The following HACE1 variants were observed in gnomAD, a reference collection of about 807,000 sequenced individuals.
HACE1 encodes E3 ubiquitin-protein ligase HACE1.
In HACE1, 73 loss-of-function variants were observed where a neutral mutation model predicts 118.4. The observed-to-expected ratio is 0.62, with a 90% confidence interval of 0.51 to 0.75. The LOEUF (loss-of-function observed/expected upper bound fraction) is 0.75, where lower values mean the gene tolerates loss of function less well. Among genes scored for constraint, HACE1 ranks in the 30% least tolerant of loss-of-function variants. The probability of loss-of-function intolerance (pLI) is 0.00; values close to 1 mark genes in which losing one functional copy is unlikely to be tolerated. For missense variants in HACE1, 749 were observed against 1,102.2 expected, an observed-to-expected ratio of 0.68 and a Z score of 4.54; for synonymous variants, 368 against 374.8, an observed-to-expected ratio of 0.98 and a Z score of 0.21.
intron 6 of HACE1, among the ~76,000 whole-genome samples, chr6:104,812,077 T>A (rs1162950723): frequency 6.6e-6 from 1 of 151,738 alleles, no homozygotes; most frequent in Non-Finnish European, 1.5e-5. Context: ...TAAAAATACA[T>A]ATCTGTTGAT....
At position 104,785,269 on chromosome 6, in the gene HACE1, G is replaced by A. The variant is rs748769775; in HGVS notation, c.1125C>T (p.Ala375=). ...HSLDEWLVLI[A]TELMKNKRDS... is the part of the protein sequence containing the mutation. Reference sequence around the variant, plus strand: ...CTCTTTTGTTTTTCATCAATTCTGTGGCTATTAAAACTAGCCATTCATCTA... The same window carrying A: ...CTCTTTTGTTTTTCATCAATTCTGTAGCTATTAAAACTAGCCATTCATCTA... Residue 375 remains alanine, a synonymous_variant, in exon 12 of 24, where the codon GCC becomes GCT. Coordinates refer to ENST00000262903, the MANE Select transcript of HACE1 (RefSeq NM_020771.4). The A allele has an allele frequency of 3.7e-6, 6 of 1,611,920 alleles. No homozygotes were observed. Among genetic ancestry groups the A allele is most frequent in the Admixed American group, 3.3e-5 (2 of 59,912 alleles).
intron 7 of HACE1, among the ~76,000 whole-genome samples, chr6:104,807,125 G>GT (rs1426583923): frequency 1.3e-5 from 2 of 150,352 alleles, no homozygotes; most frequent in East Asian, 3.9e-4. Context: ...TCAGATTCAA[G>GT]TGATTCTCCT....
chr6:104,813,463 C>T (rs752456491), intron 6 of HACE1, among the ~76,000 whole-genome samples: 1 of 138,312 alleles, frequency 7.2e-6, no homozygotes, highest in Non-Finnish European at 1.6e-5. Flanking sequence ...TAGCAGTCAT[C>T]CCCAACCAAG....
intron 3 of HACE1, 88 bp downstream of exon 3, chr6:104,850,819 C>G: frequency 1.1e-6 from 1 of 870,058 alleles, no homozygotes; most frequent in Non-Finnish European, 2.0e-6. Flanking sequence ...TCTCATCTCT[C>G]CCCAGAAATA....
rs1342369720 is a variant in HACE1, at chr6:104,744,244, C to G, written c.2443-14G>C. On this transcript the variant is annotated splice_polypyrimidine_tract_variant and intron_variant, in intron 21 of 23. Transcript: ENST00000262903. ...TTCCCAGAACCACTAACAACAAGAA[C>G]AAAAAACTTAGCTCATATTTCAGAG... is the stretch of plus-strand genomic sequence containing the variant. The G allele has an allele frequency of 6.6e-7, 1 of 1,520,940 alleles. No individual in the cohort carries two copies. Among genetic ancestry groups the G allele is most frequent in the Non-Finnish European group, 9.1e-7 (1 of 1,096,522 alleles). 94.2% of individuals were successfully genotyped at this position (1,520,940 alleles called of 1,614,324 possible).
At chr6:104,761,087 T>TAGGAAGAAGCAATATCATAA (rs1280777541) in intron 19 of HACE1, among the ~76,000 whole-genome samples, 4 of 152,162 alleles carry the variant, frequency 2.6e-5, no homozygotes, top group Admixed American at 6.5e-5. Flanking sequence ...TGCTTATGGA[T>TAGGAAGAAGCAATATCATAA]AGGAAGAAGC....
intron 19 of HACE1, among the ~76,000 whole-genome samples, chr6:104,765,167 G>C (rs1779847425): frequency 6.6e-6 from 1 of 152,204 alleles, no homozygotes; most frequent in South Asian, 2.1e-4. Context: ...AATTTCAGCT[G>C]GATGATGAGC....
chr6:104,787,906 C>T (rs1782616425), intron 11 of HACE1, among the ~76,000 whole-genome samples: 1 of 152,008 alleles, frequency 6.6e-6, no homozygotes, highest in South Asian at 2.1e-4. Flanking sequence ...AAGTAATAAA[C>T]CACATTGGAC....
intron 19 of HACE1, 56 bp from the exon 20 acceptor site, chr6:104,750,528 G>A (rs1777931302): frequency 6.9e-7 from 1 of 1,454,272 alleles, no homozygotes; most frequent in South Asian, 1.2e-5. Flanking sequence ...CATACTTAAT[G>A]TTAATATAAT....
chr6:104,822,060 AT>A (rs371062730), intron 6 of HACE1, among the ~76,000 whole-genome samples: 8 of 150,312 alleles, frequency 5.3e-5, no homozygotes, highest in African/African-American at 7.3e-5. Context: ...GAAAGTCATA[AT>A]TTTTTTTTTA....
intron 6 of HACE1, among the ~76,000 whole-genome samples, chr6:104,830,697 G>GTACTGACT (rs767440402): frequency 1.6e-3 from 248 of 151,566 alleles, no homozygotes; most frequent in Non-Finnish European, 3.0e-3. Flanking sequence ...GTAGTTAATG[G>GTACTGACT]TACTGACTTT....
At chr6:104,853,363 C>T (rs73768846) in intron 1 of HACE1, among the ~76,000 whole-genome samples, 332 of 152,216 alleles carry the variant, frequency 2.2e-3, no homozygotes, top group African/African-American at 7.7e-3. Context: ...AAAAACATGA[C>T]CCAAAAGGTT....
intron 7 of HACE1, among the ~76,000 whole-genome samples, chr6:104,800,487 C>T (rs867814899): frequency 1.3e-5 from 2 of 152,068 alleles, no homozygotes; most frequent in Non-Finnish European, 2.9e-5. Context: ...CTCATATAGG[C>T]GGGTGCCCCT....
chr6:104,740,033 A>T (rs1582600115), intron 22 of HACE1, among the ~76,000 whole-genome samples: 1 of 152,168 alleles, frequency 6.6e-6, no homozygotes, highest in East Asian at 1.9e-4. Flanking sequence ...CCACTCAACT[A>T]CATGGAAACT....
chr6:104,737,275 T>A lies in HACE1; in HGVS notation c.2514-6859A>T, dbSNP rs529966701. On this transcript the variant is annotated intron_variant, in intron 22 of 23. Coordinates refer to ENST00000262903, the MANE Select transcript of HACE1 (RefSeq NM_020771.4). The stretch of plus-strand genomic sequence containing the variant: ...TCCAGCCTGGGGGACAGAGTGAGAC[T>A]CTCTCTCAAAAAAAAAAAAAAAAAA... 1.5e-3 allele frequency among the ~76,000 whole-genome samples: 155 copies of A among 103,698 alleles called. 2 individuals carry two copies. In the South Asian group the frequency reaches 0.051, roughly 34 times the overall value. The allele number at this position is 103,698 out of a possible 152,430, so 68.0% of individuals were successfully genotyped here.
At chr6:104,785,968 A>G (rs1782345182) in intron 11 of HACE1, 1 of 152,238 alleles carries the variant, frequency 6.6e-6, no homozygotes, top group African/African-American at 2.4e-5. Context: ...ACATATACTT[A>G]CAGACACAAT....
intron 19 of HACE1, among the ~76,000 whole-genome samples, chr6:104,763,860 G>A (rs1411435016): frequency 6.6e-6 from 1 of 152,050 alleles, no homozygotes; most frequent in African/African-American, 2.4e-5. Context: ...GACCAGCCTG[G>A]CCAACATGGT....
At chr6:104,857,202 C>CATAT (rs71003450) in intron 1 of HACE1, among the ~76,000 whole-genome samples, 3 of 145,032 alleles carry the variant, frequency 2.1e-5, no homozygotes, top group East Asian at 3.9e-4. Context: ...TATATATTTA[C>CATAT]ATATATATAT....
chr6:104,773,772 A>T (rs562560537), intron 17 of HACE1, among the ~76,000 whole-genome samples: 490 of 100,126 alleles, frequency 4.9e-3, no homozygotes, highest in South Asian at 0.011. Flanking sequence ...AGACTTTTTT[A>T]AAAAAAAAAA....
Sources: allele counts gnomAD v4.1 joint callset (sites outside exome capture counted in the v4.1 genomes callset), GRCh38; gene constraint gnomAD v4.1.1; transcripts MANE v1.5; gene names NCBI Gene and HGNC (gene_info 2026-07-23, HGNC 2026-07-21).